Variants in DCC observed in about 807,000 individuals in gnomAD.
The protein encoded by DCC is DCC netrin 1 receptor, also known as netrin receptor DCC.
Under a neutral mutation model 172.5 loss-of-function variants are expected in DCC, and 58 were observed. The observed-to-expected ratio is 0.34, with a 90% CI of 0.27 to 0.42. The LOEUF is 0.42. Among genes scored for constraint, DCC ranks in the 10% least tolerant of loss-of-function variants. DCC has a pLI of 1.00. For synonymous variants in DCC, 709 were observed against 644.5 expected, an observed-to-expected ratio of 1.10 and a Z score of -1.52; for missense variants, 1,740 against 1,791.0, an observed-to-expected ratio of 0.97 and a Z score of 0.51.
At chr18:52,437,907 C>G (rs1987848347) in intron 1 of DCC, among the ~76,000 whole-genome samples, 1 of 152,160 alleles carries the variant, frequency 6.6e-6, no homozygotes, top group Non-Finnish European at 1.5e-5. Context: ...AAGAGGTTAT[C>G]TATTTCGATT....
intron 15 of DCC, among the ~76,000 whole-genome samples, chr18:53,351,023 T>C (rs1266121705): frequency 2.0e-5 from 3 of 149,300 alleles, no homozygotes; most frequent in Non-Finnish European, 4.4e-5. Context: ...TTTTCTCTTT[T>C]ATGATTTTTT....
At chr18:53,069,038 C>T (rs2042615807) in intron 7 of DCC, among the ~76,000 whole-genome samples, 1 of 151,986 alleles carries the variant, frequency 6.6e-6, no homozygotes, top group Admixed American at 6.6e-5. Context: ...ATGCCACTAG[C>T]CCCCAGACCG....
intron 7 of DCC, among the ~76,000 whole-genome samples, chr18:53,101,729 T>C (rs140386268): frequency 1.8e-4 from 27 of 152,194 alleles, no homozygotes; most frequent in Middle Eastern, 3.4e-3. Flanking sequence ...ACACAGTTTG[T>C]CTTTACTAGA....
intron 1 of DCC, among the ~76,000 whole-genome samples, chr18:52,505,274 C>A (rs2031188690): frequency 6.6e-6 from 1 of 152,064 alleles, no homozygotes; most frequent in South Asian, 2.1e-4. Flanking sequence ...AAATAATATT[C>A]ATGTATAATT....
chr18:53,500,198 T>C (rs762890535), intron 27 of DCC, among the ~76,000 whole-genome samples: 1 of 152,058 alleles, frequency 6.6e-6, no homozygotes, highest in African/African-American at 2.4e-5. Context: ...ATTTTGTTTT[T>C]GTTAGGGGTT....
intron 7 of DCC, among the ~76,000 whole-genome samples, chr18:53,088,339 C>G (rs1392327217): frequency 6.6e-6 from 1 of 152,092 alleles, no homozygotes; most frequent in Non-Finnish European, 1.5e-5. Flanking sequence ...AGTTGTATTC[C>G]TAGGTATTTC....
chr18:53,340,343 G>C, intron 15 of DCC, among the ~76,000 whole-genome samples: 1 of 152,064 alleles, frequency 6.6e-6, no homozygotes, highest in East Asian at 1.9e-4. Flanking sequence ...CTTTAACCTT[G>C]AAATATCTAG....
intron 7 of DCC, among the ~76,000 whole-genome samples, chr18:53,106,521 G>T (rs1311919829): frequency 6.6e-6 from 1 of 151,886 alleles, no homozygotes; most frequent in African/African-American, 2.4e-5. Context: ...TGGTACTCAA[G>T]ATGTAATAAG....
chr18:52,912,537 C>A (rs1449875166), intron 3 of DCC, among the ~76,000 whole-genome samples: 1 of 151,998 alleles, frequency 6.6e-6, no homozygotes, highest in African/African-American at 2.4e-5. Context: ...TTTCCTGCAT[C>A]TTCTTCCTCT....
chr18:52,695,139 C>A (rs1214746876), intron 1 of DCC, among the ~76,000 whole-genome samples: 1 of 152,164 alleles, frequency 6.6e-6, no homozygotes, highest in African/African-American at 2.4e-5. Context: ...CTCATTCTCT[C>A]CTGCATTATC....
chr18:52,994,873 T>C (rs1289706204), intron 5 of DCC, among the ~76,000 whole-genome samples: 1 of 152,146 alleles, frequency 6.6e-6, no homozygotes, highest in East Asian at 1.9e-4. Flanking sequence ...TAAAGACATC[T>C]TGAGATTGAT....
At chr18:52,436,473 A>C (rs1444242821) in intron 1 of DCC, among the ~76,000 whole-genome samples, 1 of 152,204 alleles carries the variant, frequency 6.6e-6, no homozygotes, top group African/African-American at 2.4e-5. Flanking sequence ...TCACCTGGAA[A>C]GCTTGTTACA....
intron 5 of DCC, among the ~76,000 whole-genome samples, chr18:52,960,220 T>C (rs2040820735): frequency 6.6e-6 from 1 of 152,146 alleles, no homozygotes; most frequent in Non-Finnish European, 1.5e-5. Flanking sequence ...CCTTGTAGTG[T>C]TAGAGAATGA....
At chr18:53,253,401 G>A (rs542420237) in intron 12 of DCC, among the ~76,000 whole-genome samples, 3 of 152,098 alleles carry the variant, frequency 2.0e-5, no homozygotes, top group Admixed American at 2.0e-4. Context: ...AACAGGATAG[G>A]ACATGATTAA....
chr18:53,384,382 A>G (rs1907985501), intron 15 of DCC, among the ~76,000 whole-genome samples: 2 of 152,094 alleles, frequency 1.3e-5, no homozygotes, highest in African/African-American at 2.4e-5. Context: ...ACATTATTTT[A>G]AATCAGCAGA....
intron 27 of DCC, among the ~76,000 whole-genome samples, chr18:53,522,210 G>A (rs1439189375): frequency 6.6e-6 from 1 of 151,840 alleles, no homozygotes; most frequent in East Asian, 1.9e-4. Context: ...AAGGTTTTTA[G>A]TGGCTGCCTT....
At chr18:53,206,835 C>T (rs1288864209) in intron 10 of DCC, among the ~76,000 whole-genome samples, 1 of 151,188 alleles carries the variant, frequency 6.6e-6, no homozygotes, top group Admixed American at 6.6e-5. Context: ...ATAGAAAGGC[C>T]TTCCTGCTTT....
At chr18:53,130,579 T>A (rs772420537) in intron 7 of DCC, among the ~76,000 whole-genome samples, 1 of 152,116 alleles carries the variant, frequency 6.6e-6, no homozygotes. Flanking sequence ...TAAGTTGACG[T>A]ATGTGGTGGA....
At chr18:53,001,034 C>T (rs992175866) in intron 5 of DCC, among the ~76,000 whole-genome samples, 8 of 151,776 alleles carry the variant, frequency 5.3e-5, no homozygotes, top group Admixed American at 3.9e-4. Context: ...TCAAGTTGGT[C>T]GGTAGCTTGA....
Sources: allele counts gnomAD v4.1 joint callset (sites outside exome capture counted in the v4.1 genomes callset), GRCh38; gene constraint gnomAD v4.1.1; transcripts MANE v1.5; gene names NCBI Gene and HGNC (gene_info 2026-07-23, HGNC 2026-07-21).